The following ARHGAP24 variants were observed in gnomAD, a reference collection of about 807,000 sequenced individuals.
ARHGAP24 encodes the protein Rho GTPase activating protein 24, also known as rho GTPase-activating protein 24.
ARHGAP24 carries 50 observed loss-of-function variants against 76.4 expected under a neutral mutation model. The observed-to-expected ratio is 0.65, with a 90% confidence interval of 0.52 to 0.83. The LOEUF (loss-of-function observed/expected upper bound fraction) is 0.83. Ranked by LOEUF, ARHGAP24 falls within the 40% of genes least tolerant of loss-of-function variation. The pLI is 0.00. For synonymous variants in ARHGAP24, 345 were observed against 323.3 expected (o/e 1.07, Z -0.72); for missense variants, 930 against 914.2 (o/e 1.02, Z -0.22).
At chr4:85,575,641 G>A (rs1205246245) in intron 2 of ARHGAP24, among the ~76,000 whole-genome samples, 1 of 152,106 alleles carries the variant, frequency 6.6e-6, no homozygotes, top group East Asian at 1.9e-4. Flanking sequence ...ACAATAACAT[G>A]GGGGGAGCAG....
chr4:85,539,000 A>G (rs1725578588), intron 1 of ARHGAP24, among the ~76,000 whole-genome samples: 1 of 152,226 alleles, frequency 6.6e-6, no homozygotes, highest in Non-Finnish European at 1.5e-5. Flanking sequence ...CATTTAATTA[A>G]TACTGTCATT....
chr4:85,554,842 T>A (rs1726293005), intron 1 of ARHGAP24, among the ~76,000 whole-genome samples: 1 of 43,506 alleles, frequency 2.3e-5, no homozygotes, highest in South Asian at 6.3e-4. Flanking sequence ...AGCTGATTTT[T>A]TTTTTTTTTT....
chr4:85,937,538 A>G (rs1489569784), intron 4 of ARHGAP24, among the ~76,000 whole-genome samples: 1 of 152,204 alleles, frequency 6.6e-6, no homozygotes, highest in East Asian at 1.9e-4. Context: ...GAGTAACTGT[A>G]TCAGGTAAAG....
intron 2 of ARHGAP24, among the ~76,000 whole-genome samples, chr4:85,622,816 G>A (rs1720770721): frequency 2.0e-5 from 3 of 152,262 alleles, no homozygotes; most frequent in African/African-American, 7.2e-5. Flanking sequence ...ATATCTCATT[G>A]TGGTTTTGAT....
chr4:85,872,494 C>G (rs148116147), intron 3 of ARHGAP24, among the ~76,000 whole-genome samples: 1 of 151,370 alleles, frequency 6.6e-6, no homozygotes, highest in South Asian at 2.1e-4. Context: ...CAGGGTTTCA[C>G]CATGTTGGCC....
At chr4:85,512,662 A>T (rs1724329131) in intron 1 of ARHGAP24, among the ~76,000 whole-genome samples, 1 of 152,216 alleles carries the variant, frequency 6.6e-6, no homozygotes, top group African/African-American at 2.4e-5. Flanking sequence ...AGTGGAAGTG[A>T]TATTTATAGA....
intron 2 of ARHGAP24, among the ~76,000 whole-genome samples, chr4:85,636,380 TC>T (rs1284287443): frequency 2.6e-5 from 4 of 151,906 alleles, no homozygotes; most frequent in Non-Finnish European, 2.9e-5. Context: ...AGTTGCAGAG[TC>T]CCCTGACACT....
At chr4:85,740,803 A>G (rs1317033631) in intron 3 of ARHGAP24, among the ~76,000 whole-genome samples, 1 of 152,086 alleles carries the variant, frequency 6.6e-6, no homozygotes, top group Non-Finnish European at 1.5e-5. Context: ...AATCATCCTC[A>G]CTTCAGAGAA....
intron 1 of ARHGAP24, among the ~76,000 whole-genome samples, chr4:85,532,126 T>G (rs967712392): frequency 3.3e-5 from 5 of 152,288 alleles, no homozygotes; most frequent in Middle Eastern, 3.4e-3. Flanking sequence ...GCTGCTGTTT[T>G]CAGGAACCAG....
intron 2 of ARHGAP24, among the ~76,000 whole-genome samples, chr4:85,579,115 T>C (rs1727503853): frequency 6.6e-6 from 1 of 152,210 alleles, no homozygotes; most frequent in Non-Finnish European, 1.5e-5. Flanking sequence ...GAATTCTCTT[T>C]GCAAAACCGG....
chr4:85,700,235 A>T lies in ARHGAP24; in HGVS notation c.181-21650A>T, dbSNP rs1461836190. On this transcript the variant is annotated intron_variant, in intron 2 of 9. Transcript: ENST00000395184. ...CATGGTGAAACCCCATCTCTACTAA[A>T]AATATAAAAATTAGCCAGGTGTAAG... Among the ~76,000 whole-genome samples the T allele has an allele frequency of 4.6e-5, 7 of 152,190 alleles. No individual in the cohort carries two copies. In the East Asian group the frequency reaches 1.4e-3, roughly 29 times the overall value.
chr4:85,662,969 T>A (rs1722465173), intron 2 of ARHGAP24, among the ~76,000 whole-genome samples: 1 of 152,100 alleles, frequency 6.6e-6, no homozygotes, highest in African/African-American at 2.4e-5. Context: ...CCAGCTTTGT[T>A]CTTTTGGCTT....
At chr4:85,596,131 A>AT (rs1292311895) in intron 2 of ARHGAP24, among the ~76,000 whole-genome samples, 5 of 151,942 alleles carry the variant, frequency 3.3e-5, no homozygotes, top group African/African-American at 9.7e-5. Flanking sequence ...GCTTTTTGGT[A>AT]TAAACAGAAT....
chr4:85,797,306 G>A (rs1032753880), intron 3 of ARHGAP24, among the ~76,000 whole-genome samples: 2 of 152,040 alleles, frequency 1.3e-5, no homozygotes, highest in Non-Finnish European at 2.9e-5. Flanking sequence ...CCCAGCAGCT[G>A]GGACTACAGG....
rs1170270135 is a variant in ARHGAP24, at chr4:85,487,163, TAAATATATATTTATTTTATATATATAA to T, written c.-21+11656_-21+11682del. Among the ~76,000 whole-genome samples the T allele has an allele frequency of 3.1e-4, 42 of 136,098 alleles. 1 individual carries two copies. Among genetic ancestry groups the T allele is most frequent in the South Asian group, 2.1e-3 (10 of 4,688 alleles). The allele number at this position is 136,098 out of a possible 152,430, so 89.3% of individuals were successfully genotyped here. A position where few individuals can be genotyped will look rare whatever the true frequency, so the allele number is the denominator to read the frequency against. ...TTGGTTGCTTGTGTGTATATATATA[TAAATATATATTTATTTTATATATATAA>T]AAATATATATTTATTTTATATATAT... On this transcript the variant is annotated intron_variant, in intron 1 of 9. Coordinates refer to ENST00000395184, the MANE Select transcript of ARHGAP24 (RefSeq NM_001025616.3).
At chr4:85,974,279 C>A (rs1019117497) in intron 6 of ARHGAP24, among the ~76,000 whole-genome samples, 1 of 152,128 alleles carries the variant, frequency 6.6e-6, no homozygotes, top group Non-Finnish European at 1.5e-5. Context: ...TGTCCCATAA[C>A]GCCTCAAATA....
chr4:86,000,831 C>G lies in ARHGAP24; in HGVS notation c.*109C>G. 6.7e-7 allele frequency: 1 copy of G among 1,492,592 alleles called. No homozygotes were observed. The highest frequency in any genetic ancestry group is 1.4e-5 in the African/African-American group (1 of 71,900). 92.5% of individuals were successfully genotyped at this position (1,492,592 alleles called of 1,614,324 possible). On this transcript the variant is annotated 3_prime_UTR_variant, in exon 10 of 10. Coordinates refer to ENST00000395184, the MANE Select transcript of ARHGAP24 (RefSeq NM_001025616.3). ...GTCACCTGGATGTACAGAAGTCTAA[C>G]TGGTGAAGGAATATCATTTACAGAC...
chr4:85,867,471 AACTCT>A (rs1348083982), intron 3 of ARHGAP24, among the ~76,000 whole-genome samples: 1 of 152,148 alleles, frequency 6.6e-6, no homozygotes, highest in Non-Finnish European at 1.5e-5. Flanking sequence ...GATGGTGACA[AACTCT>A]ACTTAGTCTG....
chr4:85,853,736 C>CAAGCTCAAGAGATCAAGACCATCCTGGA (rs1731379885), intron 3 of ARHGAP24, among the ~76,000 whole-genome samples: 3 of 151,772 alleles, frequency 2.0e-5, no homozygotes, highest in African/African-American at 4.8e-5. Flanking sequence ...ACCATCCTGG[C>CAAGCTCAAGAGATCAAGACCATCCTGGA]CAAGCTCAAG....
Sources: gnomAD v4.1 joint callset for allele counts (sites outside exome capture counted in the v4.1 genomes callset) on GRCh38, gnomAD v4.1.1 for gene constraint, MANE v1.5 for transcripts, NCBI Gene and HGNC (gene_info 2026-07-23, HGNC 2026-07-21) for gene names.